Variants in CDH12 observed in about 807,000 individuals in gnomAD.
CDH12 encodes the protein cadherin-12.
In CDH12, 41 loss-of-function variants were observed where a neutral mutation model predicts 74.1. The observed-to-expected ratio is 0.55, with a 90% CI of 0.43 to 0.72. The LOEUF is 0.72. CDH12 is among the 30% of genes least tolerant of loss of function. CDH12 has a pLI of 0.00. For synonymous variants in CDH12, 399 were observed against 355.0 expected (o/e 1.12, Z -1.39); for missense variants, 945 against 977.2 (o/e 0.97, Z 0.44).
intron 3 of CDH12, among the ~76,000 whole-genome samples, chr5:22,238,852 A>T (rs1360938828): frequency 6.6e-6 from 1 of 152,222 alleles, no homozygotes; most frequent in Admixed American, 6.5e-5. Context: ...AAAGCTCCAA[A>T]TAATGAGTAG....
At chr5:21,914,022 A>C (rs992070424) in intron 6 of CDH12, among the ~76,000 whole-genome samples, 5 of 152,098 alleles carry the variant, frequency 3.3e-5, no homozygotes, top group African/African-American at 1.2e-4. Flanking sequence ...TCAGTGTTTC[A>C]TATTGGTCCT....
chr5:22,373,809 A>G (rs1269321519), intron 3 of CDH12, among the ~76,000 whole-genome samples: 1 of 152,192 alleles, frequency 6.6e-6, no homozygotes, highest in African/African-American at 2.4e-5. Flanking sequence ...ATGAAAGCAA[A>G]TTCAAAAGGT....
chr5:21,932,668 A>G (rs1440214852), intron 6 of CDH12, among the ~76,000 whole-genome samples: 2 of 152,062 alleles, frequency 1.3e-5, no homozygotes, highest in Non-Finnish European at 2.9e-5. Flanking sequence ...TCGGAGGCCA[A>G]GGCAGGTGGA....
chr5:21,888,876 A>T (rs1381788004), intron 6 of CDH12, among the ~76,000 whole-genome samples: 2 of 152,030 alleles, frequency 1.3e-5, no homozygotes, highest in Non-Finnish European at 2.9e-5. Context: ...CCAGTCCATT[A>T]TTAATGCTAC....
chr5:21,982,433 A>C, intron 5 of CDH12, among the ~76,000 whole-genome samples: 1 of 151,846 alleles, frequency 6.6e-6, no homozygotes, highest in Admixed American at 6.6e-5. Context: ...ACAAATCTTT[A>C]TATATCGATA....
At chr5:21,840,159 C>T (rs887476178) in intron 8 of CDH12, among the ~76,000 whole-genome samples, 1 of 152,010 alleles carries the variant, frequency 6.6e-6, no homozygotes, top group Non-Finnish European at 1.5e-5. Flanking sequence ...AAAGAAGGCA[C>T]AGAATTCTAA....
intron 2 of CDH12, among the ~76,000 whole-genome samples, chr5:22,469,469 T>G (rs1167674876): frequency 6.6e-6 from 1 of 152,152 alleles, no homozygotes; most frequent in Non-Finnish European, 1.5e-5. Flanking sequence ...TACATCTATG[T>G]ATGCATGTGT....
intron 4 of CDH12, among the ~76,000 whole-genome samples, chr5:22,136,542 TGAA>T (rs1455152215): frequency 2.0e-5 from 3 of 151,586 alleles, no homozygotes; most frequent in Non-Finnish European, 2.9e-5. Flanking sequence ...AATACCATTA[TGAA>T]GAAGAACTTG....
intron 2 of CDH12, among the ~76,000 whole-genome samples, chr5:22,473,209 A>C (rs1002037109): frequency 8.5e-5 from 13 of 152,104 alleles, no homozygotes; most frequent in African/African-American, 3.1e-4. Context: ...CTAACATAAA[A>C]ATTTATTAAA....
Position 22,746,993 on chromosome 5 carries a change from A to G in CDH12, c.-523+106065T>C, listed in dbSNP as rs531175181. 3.3e-5 allele frequency among the ~76,000 whole-genome samples: 5 copies of G among 152,330 alleles called. No individual in the cohort carries two copies. In the South Asian group the frequency reaches 8.3e-4, roughly 25 times the overall value. ...TTTAAAAATTGAGAATGGTAAAAGT[A>G]TAATGAGGCATTAGGCAACTTGAAT... On this transcript the variant is annotated intron_variant, in intron 1 of 14. Transcript: ENST00000382254.
intron 2 of CDH12, among the ~76,000 whole-genome samples, chr5:22,429,111 T>A (rs145087933): frequency 3.4e-5 from 5 of 145,040 alleles, no homozygotes; most frequent in African/African-American, 1.1e-4. Context: ...TCTATTTTAT[T>A]TTATTTTATT....
At chr5:22,012,560 T>TA (rs1242099764) in intron 5 of CDH12, among the ~76,000 whole-genome samples, 1 of 152,164 alleles carries the variant, frequency 6.6e-6, no homozygotes, top group Non-Finnish European at 1.5e-5. Flanking sequence ...ACAGAACTGC[T>TA]AAAATGTCCA....
chr5:22,251,284 C>T (rs1287653849), intron 3 of CDH12, among the ~76,000 whole-genome samples: 1 of 152,162 alleles, frequency 6.6e-6, no homozygotes, highest in Non-Finnish European at 1.5e-5. Context: ...CAGTCTTCTA[C>T]TGACACTGAT....
chr5:22,025,707 A>C (rs1222468919), intron 5 of CDH12, among the ~76,000 whole-genome samples: 3 of 152,144 alleles, frequency 2.0e-5, no homozygotes, highest in Non-Finnish European at 2.9e-5. Flanking sequence ...CTCCTTTCAA[A>C]ATTGGAGTCA....
chr5:21,873,910 C>G (rs1751787321), intron 6 of CDH12, among the ~76,000 whole-genome samples: 1 of 105,350 alleles, frequency 9.5e-6, no homozygotes, highest in Non-Finnish European at 2.0e-5. Context: ...CCAGCTTCAC[C>G]CATGTCCCTG....
At chr5:21,994,310 A>C (rs1736142292) in intron 5 of CDH12, among the ~76,000 whole-genome samples, 1 of 133,766 alleles carries the variant, frequency 7.5e-6, no homozygotes, top group African/African-American at 3.8e-5. Flanking sequence ...AAGAAAATTA[A>C]GAAAAGAAGA....
chr5:22,020,724 G>A (rs1737918476), intron 5 of CDH12, among the ~76,000 whole-genome samples: 1 of 151,690 alleles, frequency 6.6e-6, no homozygotes, highest in South Asian at 2.1e-4. Context: ...TCTTCTGAGA[G>A]GCCATCAATT....
At chr5:22,738,377 T>C (rs1349492351) in intron 1 of CDH12, among the ~76,000 whole-genome samples, 2 of 152,070 alleles carry the variant, frequency 1.3e-5, no homozygotes, top group Non-Finnish European at 2.9e-5. Context: ...ATCTTAAACC[T>C]AGAGTGCAGC....
At chr5:22,623,517 A>G (rs1233572717) in intron 1 of CDH12, among the ~76,000 whole-genome samples, 4 of 152,178 alleles carry the variant, frequency 2.6e-5, no homozygotes, top group African/African-American at 7.2e-5. Context: ...CTATACACCA[A>G]TAACAGACAA....
Sources: gnomAD v4.1 joint callset for allele counts (sites outside exome capture counted in the v4.1 genomes callset) on GRCh38, gnomAD v4.1.1 for gene constraint, MANE v1.5 for transcripts, NCBI Gene and HGNC (gene_info 2026-07-23, HGNC 2026-07-21) for gene names.